RIMS1: variants seen among roughly 807,000 people sequenced by gnomAD.
RIMS1 encodes regulating synaptic membrane exocytosis 1, also known as regulating synaptic membrane exocytosis protein 1.
In RIMS1, 83 loss-of-function variants were observed where a neutral mutation model predicts 214.1. The observed-to-expected ratio is 0.39, with a 90% CI of 0.32 to 0.47. RIMS1 has a LOEUF of 0.47. Among genes scored for constraint, RIMS1 ranks in the 20% least tolerant of loss-of-function variants. The pLI is 0.99. For synonymous variants in RIMS1, 793 were observed against 786.8 expected (o/e 1.01, Z -0.13); for missense variants, 2,050 against 2,161.8 (o/e 0.95, Z 1.03).
intron 2 of RIMS1, among the ~76,000 whole-genome samples, chr6:72,010,834 C>A (rs1810228564): frequency 6.6e-6 from 1 of 152,142 alleles, no homozygotes; most frequent in African/African-American, 2.4e-5. Flanking sequence ...AAAGAGGATA[C>A]AAACAAATGG....
intron 2 of RIMS1, among the ~76,000 whole-genome samples, chr6:71,986,390 G>A (rs1799977579): frequency 6.6e-6 from 1 of 151,974 alleles, no homozygotes; most frequent in African/African-American, 2.4e-5. Flanking sequence ...GACAAAATCA[G>A]GAAAATGGAG....
intron 1 of RIMS1, among the ~76,000 whole-genome samples, chr6:71,948,755 T>TA (rs1788600156): frequency 6.6e-6 from 1 of 152,180 alleles, no homozygotes; most frequent in African/African-American, 2.4e-5. Flanking sequence ...TGGGCACAGC[T>TA]AACCTAGAGG....
rs761114682 is a variant in RIMS1 at position 71,992,472 on chromosome 6, TCTTC to T, written c.245+23423_245+23426del. On this transcript the variant is annotated intron_variant, in intron 2 of 33. Coordinates refer to ENST00000521978, the MANE Select transcript of RIMS1 (RefSeq NM_014989.7). The stretch of plus-strand genomic sequence containing the variant: ...TTTCTCTTTCTCTTTCTTTCTCCTT[TCTTC>T]CTTCCTTCCTTCCCTTCTTTTTCTT... 1.4e-3 allele frequency among the ~76,000 whole-genome samples: 210 copies of T among 145,680 alleles called. 2 individuals are homozygous for T. Among genetic ancestry groups the T allele is most frequent in the Middle Eastern group, 7.0e-3 (2 of 284 alleles).
intron 2 of RIMS1, among the ~76,000 whole-genome samples, chr6:72,017,621 G>A (rs2151914991): frequency 6.6e-6 from 1 of 152,222 alleles, no homozygotes; most frequent in East Asian, 1.9e-4. Flanking sequence ...AAACTGTTCT[G>A]GATTCTAGAG....
chr6:72,225,815 G>C (rs1264428075), intron 6 of RIMS1, among the ~76,000 whole-genome samples: 1 of 152,120 alleles, frequency 6.6e-6, no homozygotes, highest in Non-Finnish European at 1.5e-5. Flanking sequence ...GAGTCATTGT[G>C]TTGAAACAAA....
chr6:72,017,127 T>C (rs938909085), intron 2 of RIMS1, among the ~76,000 whole-genome samples: 2 of 152,224 alleles, frequency 1.3e-5, no homozygotes, highest in Admixed American at 6.5e-5. Context: ...AGAGACAACA[T>C]GTGTTCACTA....
intron 2 of RIMS1, among the ~76,000 whole-genome samples, chr6:72,039,448 TG>T (rs1345537847): frequency 6.6e-6 from 1 of 152,096 alleles, no homozygotes; most frequent in Non-Finnish European, 1.5e-5. Flanking sequence ...TTGATCAAAG[TG>T]TGTTGACATT....
chr6:71,975,931 T>C (rs560297846), intron 2 of RIMS1, among the ~76,000 whole-genome samples: 3 of 152,230 alleles, frequency 2.0e-5, no homozygotes, highest in African/African-American at 7.2e-5. Context: ...TATCGACATA[T>C]CAGGTTTTGT....
At chr6:71,933,682 T>TCACACACACA (rs10642216) in intron 1 of RIMS1, among the ~76,000 whole-genome samples, 2,230 of 139,258 alleles carry the variant, frequency 0.016, 33 homozygotes, top group African/African-American at 0.028. Context: ...TCTTCCTCAA[T>TCACACACACA]CACACACACA....
intron 1 of RIMS1, among the ~76,000 whole-genome samples, chr6:71,935,206 T>C (rs1022709545): frequency 5.3e-5 from 8 of 152,142 alleles, no homozygotes; most frequent in Admixed American, 2.0e-4. Context: ...CTAAGTTAGG[T>C]GTTATATTGA....
intron 22 of RIMS1, among the ~76,000 whole-genome samples, chr6:72,273,601 T>C (rs9446613): frequency 0.019 from 2,908 of 152,232 alleles, 124 homozygotes; most frequent in African/African-American, 0.067. Flanking sequence ...AATGCTGAGC[T>C]AAAAAGCATC....
chr6:71,933,702 A>C (rs548199525), intron 1 of RIMS1, among the ~76,000 whole-genome samples: 1 of 151,658 alleles, frequency 6.6e-6, no homozygotes, highest in South Asian at 2.1e-4. Flanking sequence ...ACACACACAC[A>C]CACACACACA....
At chr6:71,984,174 T>A (rs1233283299) in intron 2 of RIMS1, among the ~76,000 whole-genome samples, 6 of 152,186 alleles carry the variant, frequency 3.9e-5, no homozygotes, top group Non-Finnish European at 5.9e-5. Context: ...TTCTCTAATA[T>A]GTTTCTATCA....
At chr6:72,375,564 TAAAC>T (rs763967168) in intron 29 of RIMS1, among the ~76,000 whole-genome samples, 2 of 152,242 alleles carry the variant, frequency 1.3e-5, no homozygotes, top group Non-Finnish European at 2.9e-5. Flanking sequence ...ATGATATAAC[TAAAC>T]AGAGTGAAAC....
chr6:72,289,850 G>A (rs571641096), intron 24 of RIMS1, among the ~76,000 whole-genome samples: 27 of 151,898 alleles, frequency 1.8e-4, no homozygotes, highest in South Asian at 1.5e-3. Context: ...TTTTAATCAT[G>A]CATTTTATTT....
At chr6:72,350,919 G>A (rs543743687) in intron 29 of RIMS1, among the ~76,000 whole-genome samples, 7 of 152,200 alleles carry the variant, frequency 4.6e-5, no homozygotes, top group South Asian at 2.1e-4. Context: ...TAAGGAAAGC[G>A]TCTGGAAGAA....
Position 72,061,419 on chromosome 6 carries a change from C to T in RIMS1, c.246-35530C>T, listed in dbSNP as rs193299115. On this transcript the variant is annotated intron_variant, in intron 2 of 33. Coordinates refer to ENST00000521978, the MANE Select transcript of RIMS1 (RefSeq NM_014989.7). ...GCTGGTCATTGCTCAATGTTGCTAA[C>T]TCAAAAGCATGTGCTTACATTTAGA... Among the ~76,000 whole-genome samples, 470 of 152,324 alleles carry T rather than the reference C, an allele frequency of 3.1e-3. 6 individuals carry two copies. The highest frequency in any genetic ancestry group is 3.4e-3 in the Non-Finnish European group (234 of 68,036).
chr6:71,895,027 T>C (rs528129931), intron 1 of RIMS1, among the ~76,000 whole-genome samples: 1 of 152,308 alleles, frequency 6.6e-6, no homozygotes, highest in Admixed American at 6.5e-5. Flanking sequence ...AGAGAAGGTA[T>C]GTAAATTGAA....
intron 29 of RIMS1, among the ~76,000 whole-genome samples, chr6:72,382,103 A>G (rs2098500720): frequency 6.6e-6 from 1 of 152,140 alleles, no homozygotes; most frequent in Non-Finnish European, 1.5e-5. Flanking sequence ...TCTTTGGAAA[A>G]TGGGAAAATG....
Sources: allele counts gnomAD v4.1 joint callset (sites outside exome capture counted in the v4.1 genomes callset), GRCh38; gene constraint gnomAD v4.1.1; transcripts MANE v1.5; gene names NCBI Gene and HGNC (gene_info 2026-07-23, HGNC 2026-07-21).